The following SEMA6D variants were observed in gnomAD, a reference collection of about 807,000 sequenced individuals.
The protein encoded by SEMA6D is semaphorin-6D.
In SEMA6D, 35 loss-of-function variants were observed where a neutral mutation model predicts 106.6. That is an observed-to-expected ratio of 0.33 (90% CI 0.25 to 0.44). The LOEUF (loss-of-function observed/expected upper bound fraction) is 0.44, where lower values mean the gene tolerates loss of function less well. SEMA6D is among the 20% of genes least tolerant of loss of function. SEMA6D has a pLI of 1.00. For synonymous variants in SEMA6D, 499 were observed against 487.7 expected (o/e 1.02, Z -0.31); for missense variants, 1,185 against 1,345.9 (o/e 0.88, Z 1.87).
Position 47,770,692 on chromosome 15 carries a change from C to G in SEMA6D, c.2129C>G (p.Ser710Cys), listed in dbSNP as rs1360738985. The change falls in exon 19 of 19, where the codon TCC (serine) becomes TGC (cysteine). Residue 710 changes from serine to cysteine, a missense_variant. By Grantham distance (112) the Ser-to-Cys change is moderately radical. Around this residue, in one of 3 missense-constraint regions of SEMA6D, gnomAD observed 750 missense variants for 783.5 expected, o/e 0.96. Coordinates refer to ENST00000536845, the MANE Select transcript of SEMA6D (RefSeq NM_001358351.3). The part of the protein sequence containing the change: ...DAESAQSCTD[S>C]SGSFAKLNGL... ...GAGTCCGCCCAGTCATGCACAGACT[C>G]CAGTGGAAGTTTTGCCAAACTGAAT... 1 of 1,614,114 alleles carries G rather than the reference C, an allele frequency of 6.2e-7. No individual in the cohort carries two copies. The highest frequency in any genetic ancestry group is 1.1e-5 in the South Asian group (1 of 91,078).
intron 1 of SEMA6D, among the ~76,000 whole-genome samples, chr15:47,331,491 A>G (rs547274582): frequency 1.5e-4 from 23 of 152,302 alleles, no homozygotes; most frequent in Non-Finnish European, 2.9e-4. Context: ...GGAAATGTTA[A>G]CAGTATATCT....
chr15:47,365,816 A>G (rs281273), intron 1 of SEMA6D, among the ~76,000 whole-genome samples: 98,156 of 150,066 alleles, frequency 0.65, 32,736 homozygotes, highest in Non-Finnish European at 0.72. Context: ...AGCCGAGATC[A>G]CGCCACTGCA....
At chr15:47,611,488 C>T (rs756718181) in intron 4 of SEMA6D, among the ~76,000 whole-genome samples, 1 of 152,174 alleles carries the variant, frequency 6.6e-6, no homozygotes, top group African/African-American at 2.4e-5. Context: ...TACAATATAA[C>T]GAACGTGTGT....
chr15:47,612,736 G>A (rs1030013340), intron 4 of SEMA6D, among the ~76,000 whole-genome samples: 2 of 151,690 alleles, frequency 1.3e-5, no homozygotes, highest in East Asian at 3.9e-4. Flanking sequence ...GATGGTTTTG[G>A]CAACTCAAAG....
intron 1 of SEMA6D, among the ~76,000 whole-genome samples, chr15:47,328,066 A>G (rs2037201552): frequency 6.6e-6 from 1 of 152,198 alleles, no homozygotes; most frequent in South Asian, 2.1e-4. Context: ...GCTTTGAAAT[A>G]TATTCTCCTC....
chr15:47,271,028 A>G (rs773997180), intron 1 of SEMA6D, among the ~76,000 whole-genome samples: 14 of 152,150 alleles, frequency 9.2e-5, no homozygotes, highest in Non-Finnish European at 1.6e-4. Context: ...AGCATTAACT[A>G]TGTATGGTTC....
chr15:47,766,497 T>A (rs545095392), intron 15 of SEMA6D, 119 bp from the exon 16 acceptor site: 2 of 848,240 alleles, frequency 2.4e-6, no homozygotes, highest in Non-Finnish European at 3.7e-6. Flanking sequence ...GTTGTTTTTT[T>A]TTTTTCTCTC....
At chr15:47,701,167 T>A (rs1476317807) in intron 4 of SEMA6D, among the ~76,000 whole-genome samples, 3 of 152,088 alleles carry the variant, frequency 2.0e-5, no homozygotes, top group Non-Finnish European at 4.4e-5. Flanking sequence ...AAACCAAGGA[T>A]TGGGAAAATA....
intron 4 of SEMA6D, among the ~76,000 whole-genome samples, chr15:47,610,190 G>A (rs1008013666): frequency 2.0e-5 from 3 of 152,158 alleles, no homozygotes; most frequent in African/African-American, 7.2e-5. Flanking sequence ...ACCTAGCCAC[G>A]TTTCAGGATA....
intron 2 of SEMA6D, among the ~76,000 whole-genome samples, chr15:47,413,612 T>A (rs1192786478): frequency 1.3e-5 from 2 of 151,930 alleles, no homozygotes; most frequent in African/African-American, 2.4e-5. Flanking sequence ...GCCTCCTGAG[T>A]AGCTAGGACT....
intron 1 of SEMA6D, among the ~76,000 whole-genome samples, chr15:47,353,055 G>T (rs1311705097): frequency 7.6e-6 from 1 of 131,868 alleles, no homozygotes; most frequent in African/African-American, 2.5e-5. Flanking sequence ...TTTTCAAATG[G>T]TAGTTTATTT....
chr15:47,238,270 C>T (rs1319989987), intron 1 of SEMA6D, among the ~76,000 whole-genome samples: 1 of 152,010 alleles, frequency 6.6e-6, no homozygotes, highest in African/African-American at 2.4e-5. Flanking sequence ...AAAATAGCAA[C>T]AACAACAATA....
chr15:47,579,559 G>A (rs1333399734), intron 3 of SEMA6D, among the ~76,000 whole-genome samples: 2 of 152,148 alleles, frequency 1.3e-5, no homozygotes, highest in African/African-American at 2.4e-5. Flanking sequence ...AGGAAAGTAG[G>A]CCTCTGTGCT....
At chr15:47,360,544 T>C (rs947771647) in intron 1 of SEMA6D, among the ~76,000 whole-genome samples, 5 of 152,206 alleles carry the variant, frequency 3.3e-5, no homozygotes, top group African/African-American at 1.2e-4. Flanking sequence ...CATACCACTA[T>C]TGTAGAAGGA....
intron 3 of SEMA6D, chr15:47,527,753 A>G (rs1480192718): frequency 1.3e-5 from 2 of 152,110 alleles, no homozygotes; most frequent in African/African-American, 4.8e-5. Flanking sequence ...AATACTGGAA[A>G]ATGCTTGTGA....
At chr15:47,298,822 T>C (rs1261801040) in intron 1 of SEMA6D, among the ~76,000 whole-genome samples, 1 of 152,172 alleles carries the variant, frequency 6.6e-6, no homozygotes, top group African/African-American at 2.4e-5. Flanking sequence ...TCCTTACTTT[T>C]TGCCAATTTG....
intron 1 of SEMA6D, among the ~76,000 whole-genome samples, chr15:47,325,682 G>A (rs898294125): frequency 1.3e-5 from 2 of 152,000 alleles, no homozygotes; most frequent in Non-Finnish European, 2.9e-5. Flanking sequence ...GCTCTCTTCC[G>A]TGGTTGTTGG....
In SEMA6D at chr15:47,461,399, C is replaced by CA. The variant is rs148802917; in HGVS notation, c.-158-9074dup. On this transcript the variant is annotated intron_variant, in intron 2 of 19. Coordinates refer to the SEMA6D transcript ENST00000558014. ...TACACAGACCTTGTGCTTTCTCCCC[C>CA]ACTATTATATCTGAAGCACTGGAAA... Among the ~76,000 whole-genome samples, 858 of 152,084 alleles carry CA rather than the reference C, an allele frequency of 5.6e-3. 7 individuals carry two copies. The highest frequency in any genetic ancestry group is 0.02 in the African/African-American group (827 of 41,498).
At position 47,313,747 on chromosome 15, in the gene SEMA6D, A is replaced by G. The variant is rs1262444985; in HGVS notation, c.-238-98646A>G. 2.0e-5 allele frequency among the ~76,000 whole-genome samples: 3 copies of G among 152,172 alleles called. 1 individual carries two copies. The highest frequency in any genetic ancestry group is 4.1e-4 in the South Asian group (2 of 4,826). Reference sequence around the variant, plus strand: ...ACTCAGCTAAAAACTAGCTGAGTATAGTGAGACAGTGCTGCTGTGTTGTGC... The same window carrying G: ...ACTCAGCTAAAAACTAGCTGAGTATGGTGAGACAGTGCTGCTGTGTTGTGC... On this transcript the variant is annotated intron_variant, in intron 1 of 19. Transcript: ENST00000558014.
Sources: allele counts gnomAD v4.1 joint callset (sites outside exome capture counted in the v4.1 genomes callset), GRCh38; gene constraint gnomAD v4.1.1; regional missense constraint gnomAD v4.1.1; transcripts MANE v1.5; gene names NCBI Gene and HGNC (gene_info 2026-07-23, HGNC 2026-07-21).